IMPA2: variants seen among roughly 807,000 people sequenced by gnomAD.
IMPA2 encodes the protein IMP 2.
Under a neutral mutation model 35.1 loss-of-function variants are expected in IMPA2, and 32 were observed. The ratio of observed to expected loss-of-function variants is 0.91; its 90% CI spans 0.69 to 1.23. The LOEUF (loss-of-function observed/expected upper bound fraction) is 1.23, where lower values mean the gene tolerates loss of function less well. Ranked by LOEUF, IMPA2 falls within the 50% of genes most tolerant of loss-of-function variation. The pLI is 0.00. For missense variants in IMPA2, 334 were observed against 387.6 expected, an observed-to-expected ratio of 0.86 and a Z score of 1.16; for synonymous variants, 135 against 160.6, an observed-to-expected ratio of 0.84 and a Z score of 1.20.
intron 6 of IMPA2, chr18:12,028,447 G>T (rs959559056): frequency 5.1e-5 from 23 of 453,304 alleles, no homozygotes; most frequent in African/African-American, 4.4e-4. Flanking sequence ...TCCCGAGGGG[G>T]CCTGGCGTCA....
At chr18:11,982,570 G>A (rs1906535529) in intron 1 of IMPA2, among the ~76,000 whole-genome samples, 1 of 152,166 alleles carries the variant, frequency 6.6e-6, no homozygotes, top group African/African-American at 2.4e-5. Flanking sequence ...CGAGGCGGGT[G>A]GACCACTTGA....
chr18:12,011,985 A>G (rs1034107802), intron 3 of IMPA2, among the ~76,000 whole-genome samples, 185 bp from the exon 4 acceptor site: 3 of 152,252 alleles, frequency 2.0e-5, no homozygotes, highest in East Asian at 1.9e-4. Context: ...GTCTTACGAC[A>G]TGGTCAGTTT....
Position 12,002,587 on chromosome 18 carries a change from A to G in IMPA2, c.230+3400A>G, listed in dbSNP as rs146530778. Among the ~76,000 whole-genome samples, 657 of 152,224 alleles carry G rather than the reference A, an allele frequency of 4.3e-3. 3 individuals are homozygous for G. The highest frequency in any genetic ancestry group is 0.015 in the African/African-American group (624 of 41,532). On this transcript the variant is annotated intron_variant, in intron 2 of 7. Coordinates refer to ENST00000269159, the MANE Select transcript of IMPA2 (RefSeq NM_014214.3). ...CCAGGAGTTTGAGACCAGCCTGGGC[A>G]ACATGGTGAATCCCCATCTCTACAA...
chr18:11,985,677 A>G (rs550517596), intron 1 of IMPA2, among the ~76,000 whole-genome samples: 1 of 152,062 alleles, frequency 6.6e-6, no homozygotes, highest in Admixed American at 6.6e-5. Flanking sequence ...TGTCCACCTC[A>G]TGTGCTCCTC....
At chr18:12,028,589 G>T in intron 6 of IMPA2, 1 of 520,014 alleles carries the variant, frequency 1.9e-6, no homozygotes, top group South Asian at 2.8e-5. Context: ...CAATTCTCTG[G>T]TTGCTGCATC....
chr18:11,986,223 G>A (rs1906661108), intron 1 of IMPA2, among the ~76,000 whole-genome samples: 1 of 152,196 alleles, frequency 6.6e-6, no homozygotes, highest in African/African-American at 2.4e-5. Flanking sequence ...AAGTGAGCCT[G>A]TCGTCCCCTT....
At chr18:11,997,069 CACTT>C (rs531588425) in intron 1 of IMPA2, among the ~76,000 whole-genome samples, 4 of 152,256 alleles carry the variant, frequency 2.6e-5, no homozygotes, top group African/African-American at 4.8e-5. Context: ...CATGAACACA[CACTT>C]ACAGGTACAC....
At chr18:11,984,099 C>T (rs1906586179) in intron 1 of IMPA2, among the ~76,000 whole-genome samples, 1 of 152,178 alleles carries the variant, frequency 6.6e-6, no homozygotes, top group African/African-American at 2.4e-5. Flanking sequence ...GAAGGAGAGA[C>T]CTTCCAAGAG....
intron 2 of IMPA2, among the ~76,000 whole-genome samples, chr18:12,000,226 G>A (rs1451735967): frequency 1.3e-5 from 2 of 151,922 alleles, no homozygotes; most frequent in African/African-American, 4.8e-5. Flanking sequence ...AGGTTGGAGT[G>A]CAGTGGCATG....
At chr18:11,998,374 A>T (rs1208411294) in intron 1 of IMPA2, among the ~76,000 whole-genome samples, 2 of 152,170 alleles carry the variant, frequency 1.3e-5, no homozygotes, top group Non-Finnish European at 2.9e-5. Flanking sequence ...GGCAGCTTGC[A>T]CAGCTGCGGA....
rs571071263 is a variant in IMPA2 at position 12,012,419 on chromosome 18, G to T, written c.381+204G>T. 11 of 583,010 alleles carry T rather than the reference G, an allele frequency of 1.9e-5. No individual in the cohort carries two copies. The African/African-American group carries it at 2.0e-4, about 11-fold the overall frequency. 36.1% of individuals were successfully genotyped at this position (583,010 alleles called of 1,614,324 possible). A position where few individuals can be genotyped will look rare whatever the true frequency, so the allele number is the denominator to read the frequency against. On this transcript the variant is annotated intron_variant, in intron 4 of 7. Transcript: ENST00000269159. ...GGGGTGTGCGGGGTGGGGCTCCGTG[G>T]CTGGCCCTTGTCCCCCGTGGAGGGC...
chr18:12,027,585 T>TC (rs1907916393), intron 5 of IMPA2, among the ~76,000 whole-genome samples: 1 of 132,936 alleles, frequency 7.5e-6, no homozygotes, highest in South Asian at 2.8e-4. Context: ...TTTTTTTTTT[T>TC]TTTTTAAAGA....
At chr18:12,023,891 G>A (rs1258410198) in intron 5 of IMPA2, among the ~76,000 whole-genome samples, 10 of 152,180 alleles carry the variant, frequency 6.6e-5, no homozygotes, top group African/African-American at 2.4e-4. Context: ...GGTTGAGGGG[G>A]CGTATGTATA....
At chr18:12,007,600 CTTTCTCTT>C (rs752776923) in intron 2 of IMPA2, among the ~76,000 whole-genome samples, 33 of 146,698 alleles carry the variant, frequency 2.2e-4, no homozygotes, top group Admixed American at 8.2e-4. Flanking sequence ...TTCTTTCTTT[CTTTCTCTT>C]TCTTTCTTTC....
intron 4 of IMPA2, among the ~76,000 whole-genome samples, chr18:12,012,966 G>T (rs1907475179): frequency 1.3e-5 from 2 of 152,210 alleles, no homozygotes; most frequent in Non-Finnish European, 1.5e-5. Context: ...AAGTACTTAA[G>T]CTGAAGATAA....
At chr18:11,986,730 A>T (rs1906677049) in intron 1 of IMPA2, among the ~76,000 whole-genome samples, 1 of 152,184 alleles carries the variant, frequency 6.6e-6, no homozygotes, top group Non-Finnish European at 1.5e-5. Context: ...CTGTGTCCGG[A>T]GTCCCTGTTC....
chr18:12,003,671 GA>G (rs56354907), intron 2 of IMPA2, among the ~76,000 whole-genome samples: 68,698 of 107,868 alleles, frequency 0.64, 18,847 homozygotes, highest in Non-Finnish European at 0.69. Flanking sequence ...AAAAGAAAAG[GA>G]AAAAAAAAAA....
chr18:12,022,983 C>G lies in IMPA2; in HGVS notation c.491-5060C>G, dbSNP rs1039251595. On this transcript the variant is annotated intron_variant, in intron 5 of 7. Transcript: ENST00000269159. Reference sequence around the variant, plus strand: ...TTTTTTTTTGTACTTTTAGTAGTGACAGGGTTTCCCTGTGTTGGCCAGGCT... The same window carrying G: ...TTTTTTTTTGTACTTTTAGTAGTGAGAGGGTTTCCCTGTGTTGGCCAGGCT... Among the ~76,000 whole-genome samples the G allele has an allele frequency of 5.3e-5, 6 of 113,170 alleles. No individual in the cohort carries two copies. In the Admixed American group the frequency reaches 6.3e-4, roughly 12 times the overall value. The allele number at this position is 113,170 out of a possible 152,430, so 74.2% of individuals were successfully genotyped here.
At chr18:12,024,723 C>T (rs1291923842) in intron 5 of IMPA2, among the ~76,000 whole-genome samples, 1 of 151,992 alleles carries the variant, frequency 6.6e-6, no homozygotes, top group African/African-American at 2.4e-5. Context: ...TCTCCCCCTC[C>T]CTCCTCCCTC....
Sources: allele counts gnomAD v4.1 joint callset (sites outside exome capture counted in the v4.1 genomes callset), GRCh38; gene constraint gnomAD v4.1.1; transcripts MANE v1.5; gene names NCBI Gene and HGNC (gene_info 2026-07-23, HGNC 2026-07-21).